Variants in PTPN23 observed in about 807,000 individuals in gnomAD.
PTPN23 encodes the protein tyrosine-protein phosphatase non-receptor type 23.
PTPN23 carries 72 observed loss-of-function variants against 156.3 expected under a neutral mutation model. The ratio of observed to expected loss-of-function variants is 0.46; its 90% CI spans 0.38 to 0.56. The LOEUF (loss-of-function observed/expected upper bound fraction) is 0.56. Ranked by LOEUF, PTPN23 falls within the 20% of genes least tolerant of loss-of-function variation. The pLI is 0.00. For missense variants in PTPN23, 1,974 were observed against 2,171.5 expected, an observed-to-expected ratio of 0.91 and a Z score of 1.81; for synonymous variants, 957 against 899.6, an observed-to-expected ratio of 1.06 and a Z score of -1.14.
rs1034686779 is a variant in PTPN23, at chr3:47,410,301, C to T, written c.2503C>T (p.Pro835Ser). Residue 835 changes from proline to serine, a missense_variant, in exon 20 of 25, where the codon CCC (proline) becomes TCC (serine). Transcript: ENST00000265562. ...CTACACACCGGAGCTGGGCCTTGTGCCCCGATCCTCCCCACAGCATGGCGT... is the reference window on the plus strand; with the variant it reads ...CTACACACCGGAGCTGGGCCTTGTGTCCCGATCCTCCCCACAGCATGGCGT... ...PAYTPELGLV[P>S]RSSPQHGVVS... 2 of 1,603,718 alleles carry T rather than the reference C, an allele frequency of 1.2e-6. No individual in the cohort carries two copies. The highest frequency in any genetic ancestry group is 1.7e-6 in the Non-Finnish European group (2 of 1,174,864).
intron 1 of PTPN23, among the ~76,000 whole-genome samples, chr3:47,394,037 T>C (rs530998730): frequency 6.6e-6 from 1 of 151,826 alleles, no homozygotes; most frequent in African/African-American, 2.4e-5. Context: ...AGCCACCATA[T>C]CCAACCTGTT....
chr3:47,384,746 G>A (rs907592386), intron 1 of PTPN23, among the ~76,000 whole-genome samples: 15 of 151,996 alleles, frequency 9.9e-5, no homozygotes, highest in African/African-American at 3.1e-4. Context: ...CTTTAGGTTA[G>A]GATATTGGAC....
chr3:47,393,198 G>C (rs1383583852), intron 1 of PTPN23, among the ~76,000 whole-genome samples: 1 of 151,966 alleles, frequency 6.6e-6, no homozygotes, highest in Non-Finnish European at 1.5e-5. Flanking sequence ...TGTGGCCAAG[G>C]CTGGAGTGCA....
rs775489357 is a variant in PTPN23 at position 47,412,243 on chromosome 3, T to TA, written c.4179-39dup. Reference sequence around the variant, plus strand: ...GTCTCTCCTCTATGGGCTCTTGGCCTAGCCTCATACCCCGGCCTCATAACC... The same window carrying TA: ...GTCTCTCCTCTATGGGCTCTTGGCCTAAGCCTCATACCCCGGCCTCATAACC... On this transcript the variant is annotated intron_variant, in intron 22 of 24. Coordinates refer to ENST00000265562, the MANE Select transcript of PTPN23 (RefSeq NM_015466.4). 4.4e-5 allele frequency: 71 copies of TA among 1,613,232 alleles called. No homozygotes were observed. The African/African-American group carries it at 8.5e-4, about 19-fold the overall frequency.
In PTPN23 at chr3:47,407,085, C is replaced by T; in HGVS notation, c.808-45C>T. ...GGTGGGAGGCAGGAGGAGAAAGGGTCCAAGCAGAGGAGGACAGAGCAGGCT... is the reference window on the plus strand; with the variant it reads ...GGTGGGAGGCAGGAGGAGAAAGGGTTCAAGCAGAGGAGGACAGAGCAGGCT... On this transcript the variant is annotated intron_variant, in intron 9 of 24. Transcript: ENST00000265562. The surrounding 1 kb of genome is among the most constrained non-coding windows in gnomAD (Gnocchi z 4.0). 6.2e-7 allele frequency: 1 copy of T among 1,612,366 alleles called. No homozygotes were observed. Among genetic ancestry groups the T allele is most frequent in the East Asian group, 2.2e-5 (1 of 44,848 alleles).
rs771454475 is a variant in PTPN23, at chr3:47,411,560, A to G, written c.3762A>G (p.Pro1254=). Residue 1254 remains proline (P), a synonymous_variant, in exon 20 of 25, where the codon CCA becomes CCG. Transcript: ENST00000265562. The surrounding 1 kb of genome is among the most constrained non-coding windows in gnomAD (Gnocchi z 6.3). ...CCAGCTGCGTGGAGGGGCTCTCCCC[A>G]TACTGCCCCCCGCTAGTGGCAACCC... is the stretch of plus-strand genomic sequence containing the variant. ...INASCVEGLS[P]YCPPLVATQA... 1.2e-6 allele frequency: 2 copies of G among 1,612,542 alleles called. No individual in the cohort carries two copies. Among genetic ancestry groups the G allele is most frequent in the African/African-American group, 2.7e-5 (2 of 74,850 alleles).
chr3:47,405,341 G>A lies in PTPN23; in HGVS notation c.364+260G>A. 1 of 558,338 alleles carries A rather than the reference G, an allele frequency of 1.8e-6. No homozygotes were observed. Among genetic ancestry groups the A allele is most frequent in the South Asian group, 2.1e-5 (1 of 46,862 alleles). The allele number at this position is 558,338 out of a possible 1,614,324, so 34.6% of individuals were successfully genotyped here. ...ACTGTGTGCTCTGTCTGGGAGAGAG[G>A]GCCTTTCTTCTTTGACTGGACAGCC... On this transcript the variant is annotated intron_variant, in intron 4 of 24. Coordinates refer to ENST00000265562, the MANE Select transcript of PTPN23 (RefSeq NM_015466.4). This position sits in a 1 kb window ranked among gnomAD's most constrained non-coding sequence, Gnocchi z 4.7.
At chr3:47,388,518 G>A (rs951896735) in intron 1 of PTPN23, among the ~76,000 whole-genome samples, 2 of 152,094 alleles carry the variant, frequency 1.3e-5, no homozygotes, top group Non-Finnish European at 2.9e-5. Context: ...AACAGGTATA[G>A]TAATCACATC....
Position 47,413,274 on chromosome 3 carries a change from G to GTCTC in PTPN23, c.*91_*94dup, listed in dbSNP as rs911860067. The GTCTC allele has an allele frequency of 2.7e-6, 4 of 1,498,782 alleles. No individual in the cohort carries two copies. Among genetic ancestry groups the GTCTC allele is most frequent in the East Asian group, 2.3e-5 (1 of 43,976 alleles). The allele number at this position is 1,498,782 out of a possible 1,614,324, so 92.8% of individuals were successfully genotyped here. On this transcript the variant is annotated 3_prime_UTR_variant, in exon 25 of 25. Coordinates refer to ENST00000265562, the MANE Select transcript of PTPN23 (RefSeq NM_015466.4). The stretch of plus-strand genomic sequence containing the variant: ...CCAGCAGAGCTTCTCAGTGGGCACA[G>GTCTC]TCTCTTACTCCCATTTCTGCTGCCT...
At chr3:47,398,604 C>T (rs887250046) in intron 2 of PTPN23, among the ~76,000 whole-genome samples, 4 of 149,608 alleles carry the variant, frequency 2.7e-5, no homozygotes, top group Non-Finnish European at 4.4e-5. Context: ...TTCGCTCTGT[C>T]GTCCAGGCAG....
intron 2 of PTPN23, among the ~76,000 whole-genome samples, chr3:47,400,639 C>T (rs1704974569): frequency 1.3e-5 from 2 of 151,900 alleles, no homozygotes; most frequent in South Asian, 2.1e-4. Flanking sequence ...AATGGCACAA[C>T]CTCGGCTCAC....
rs751448397 is a variant in PTPN23 at position 47,407,095 on chromosome 3, G to A, written c.808-35G>A. 5.0e-5 allele frequency: 81 copies of A among 1,613,352 alleles called. 3 individuals carry two copies. In the South Asian group the frequency reaches 8.9e-4, roughly 18 times the overall value. On this transcript the variant is annotated intron_variant, in intron 9 of 24. Coordinates refer to ENST00000265562, the MANE Select transcript of PTPN23 (RefSeq NM_015466.4). This position sits in a 1 kb window ranked among gnomAD's most constrained non-coding sequence, Gnocchi z 4.0. ...AGGAGGAGAAAGGGTCCAAGCAGAGGAGGACAGAGCAGGCTTTCCTGCCAC... is the reference window on the plus strand; with the variant it reads ...AGGAGGAGAAAGGGTCCAAGCAGAGAAGGACAGAGCAGGCTTTCCTGCCAC...
At position 47,412,123 on chromosome 3, in the gene PTPN23, T is replaced by C; in HGVS notation, c.4103T>C (p.Leu1368Pro). The C allele has an allele frequency of 6.2e-7, 1 of 1,613,162 alleles. No individual in the cohort carries two copies. The highest frequency in any genetic ancestry group is 8.5e-7 in the Non-Finnish European group (1 of 1,180,024). ...CTGCCCGACAGCCCCAGCAACTTGC[T>C]GCGCTTCATCCAGGAGGTGCACGCA... is the stretch of plus-strand genomic sequence containing the variant. ...LGLPDSPSNL[L>P]RFIQEVHAHY... Residue 1368 changes from leucine to proline, a missense_variant, in exon 22 of 25, where the codon CTG becomes CCG. Coordinates refer to ENST00000265562, the MANE Select transcript of PTPN23 (RefSeq NM_015466.4).
rs760922048 is a variant in PTPN23, at chr3:47,413,029, A to G, written c.4755A>G (p.Pro1585=). The change falls in exon 25 of 25, where the codon CCA becomes CCG. Residue 1585 remains proline (P), a synonymous_variant. Transcript: ENST00000265562. ...TGGAATTGCTGGCCTCCTTGACCCCAGAGGCCTTCTCCCTGGACAGCTCCC... is the reference window on the plus strand; with the variant it reads ...TGGAATTGCTGGCCTCCTTGACCCCGGAGGCCTTCTCCCTGGACAGCTCCC... The part of the protein sequence containing the change: ...SSLELLASLT[P]EAFSLDSSLR... The G allele has an allele frequency of 6.2e-7, 1 of 1,610,806 alleles. No individual in the cohort carries two copies. Among genetic ancestry groups the G allele is most frequent in the Admixed American group, 1.7e-5 (1 of 59,552 alleles).
chr3:47,406,774 T>C lies in PTPN23; in HGVS notation c.807+24T>C. 1 of 1,612,894 alleles carries C rather than the reference T, an allele frequency of 6.2e-7. No individual in the cohort carries two copies. Among genetic ancestry groups the C allele is most frequent in the Non-Finnish European group, 8.5e-7 (1 of 1,179,722 alleles). Reference sequence around the variant, plus strand: ...GGGTGAGCTACAGCGAGGAGGGGACTGGGGACCAATGGCAGCCTTCAGTGA... The same window carrying C: ...GGGTGAGCTACAGCGAGGAGGGGACCGGGGACCAATGGCAGCCTTCAGTGA... On this transcript the variant is annotated intron_variant, in intron 9 of 24. Transcript: ENST00000265562. This position sits in a 1 kb window ranked among gnomAD's most constrained non-coding sequence, Gnocchi z 5.8.
chr3:47,409,757 C>A lies in PTPN23; in HGVS notation c.2052C>A (p.Ser684Arg). The A allele has an allele frequency of 1.2e-6, 2 of 1,607,678 alleles. No homozygotes were observed. The highest frequency in any genetic ancestry group is 1.7e-6 in the Non-Finnish European group (2 of 1,179,656). The change falls in exon 19 of 25, where the codon AGC (serine) becomes AGA (arginine). Residue 684 changes from serine to arginine, a missense_variant. Ser to Arg is a moderately radical substitution (Grantham distance 110). Transcript: ENST00000265562. Reference protein sequence around the residue: ...EGRDFYADLESKVAALLERTQ... With the variant: ...EGRDFYADLERKVAALLERTQ... ...GGGACTTCTACGCAGATCTGGAGAG[C>A]AAGGTGGCTGCTCTGCTGGAGCGCA...
chr3:47,409,833 A>C lies in PTPN23; in HGVS notation c.2128A>C (p.Arg710=). Residue 710 remains arginine (R), a splice_region_variant and synonymous_variant, in exon 19 of 25, where the codon AGG becomes CGG. Transcript: ENST00000265562. The part of the protein sequence containing the change: ...REAARQQLLD[R]ELKKKPPPRP... Reference sequence around the variant, plus strand: ...GGCTGCCCGCCAGCAGCTCCTGGACAGGTTTGTGTGGCCCTGGGGCTGTGG... The same window carrying C: ...GGCTGCCCGCCAGCAGCTCCTGGACCGGTTTGTGTGGCCCTGGGGCTGTGG... The C allele has an allele frequency of 6.2e-7, 1 of 1,610,002 alleles. No individual in the cohort carries two copies. Among genetic ancestry groups the C allele is most frequent in the Non-Finnish European group, 8.5e-7 (1 of 1,178,674 alleles).
Position 47,405,059 on chromosome 3 carries a change from G to T in PTPN23, c.342G>T (p.Gln114His). The change falls in exon 4 of 25, where the codon CAG (glutamine) becomes CAT (histidine). Residue 114 changes from glutamine (Q) to histidine (H), a missense_variant. Transcript: ENST00000265562. This position sits in a 1 kb window ranked among gnomAD's most constrained non-coding sequence, Gnocchi z 4.7. Reference protein sequence around the residue: ...SVAHEDIKYEQACILYNLGAL... With the variant: ...SVAHEDIKYEHACILYNLGAL... Reference sequence around the variant, plus strand: ...CCCATGAGGACATCAAGTACGAGCAGGCCTGTATTCTCTACAACCTTGGTG... The same window carrying T: ...CCCATGAGGACATCAAGTACGAGCATGCCTGTATTCTCTACAACCTTGGTG... The T allele has an allele frequency of 6.2e-7, 1 of 1,614,222 alleles. No homozygotes were observed. Among genetic ancestry groups the T allele is most frequent in the Non-Finnish European group, 8.5e-7 (1 of 1,180,038 alleles).
chr3:47,409,908 T>C lies in PTPN23; in HGVS notation c.2130-20T>C, dbSNP rs1454977682. 1.3e-6 allele frequency: 2 copies of C among 1,572,382 alleles called. No homozygotes were observed. The highest frequency in any genetic ancestry group is 1.2e-5 in the South Asian group (1 of 85,142). On this transcript the variant is annotated intron_variant, in intron 19 of 24. Transcript: ENST00000265562. ...GGGTGATGGGAGCCTGGCCCCACTT[T>C]TTCCTTGCCTGTCGCACAGGGAGCT...
Sources: allele counts gnomAD v4.1 joint callset (sites outside exome capture counted in the v4.1 genomes callset), GRCh38; gene constraint gnomAD v4.1.1; non-coding constraint Gnocchi (gnomAD v3.1); transcripts MANE v1.5; gene names NCBI Gene and HGNC (gene_info 2026-07-23, HGNC 2026-07-21).